Variants in FRMD5 observed in about 807,000 individuals in gnomAD.
FRMD5 encodes the protein FERM domain-containing protein 5.
Under a neutral mutation model 69.0 loss-of-function variants are expected in FRMD5, and 20 were observed. That is an observed-to-expected ratio of 0.29 (90% CI 0.20 to 0.42). FRMD5 has a LOEUF of 0.42. Ranked by LOEUF, FRMD5 falls within the 10% of genes least tolerant of loss-of-function variation. The pLI is 1.00. For synonymous variants in FRMD5, 271 were observed against 260.1 expected, an observed-to-expected ratio of 1.04 and a Z score of -0.40; for missense variants, 595 against 708.6, an observed-to-expected ratio of 0.84 and a Z score of 1.82.
chr15:43,942,851 C>T (rs963586564), intron 1 of FRMD5, among the ~76,000 whole-genome samples: 2 of 152,228 alleles, frequency 1.3e-5, no homozygotes, highest in African/African-American at 4.8e-5. Context: ...TCTCCACCTC[C>T]CGGGCTCAAG....
intron 1 of FRMD5, among the ~76,000 whole-genome samples, chr15:44,176,271 T>A (rs1027179019): frequency 3.9e-5 from 6 of 152,130 alleles, no homozygotes; most frequent in Admixed American, 3.9e-4. Context: ...CTAAGACAAT[T>A]TAATGAGGAA....
intron 1 of FRMD5, among the ~76,000 whole-genome samples, chr15:44,173,510 GA>G (rs1347127633): frequency 6.6e-6 from 1 of 150,596 alleles, no homozygotes; most frequent in African/African-American, 2.4e-5. Flanking sequence ...ATATAAGGAA[GA>G]AAAAAATATA....
intron 1 of FRMD5, among the ~76,000 whole-genome samples, chr15:44,154,159 T>C (rs942139689): frequency 2.0e-5 from 3 of 151,926 alleles, no homozygotes; most frequent in Non-Finnish European, 4.4e-5. Context: ...CCCATCTCTA[T>C]AAAAAATACA....
In FRMD5 at chr15:43,871,412, A is replaced by C. The variant is rs954894193; in HGVS notation, c.*2473T>G. 1 of 152,274 alleles carries C rather than the reference A, an allele frequency of 6.6e-6. No homozygotes were observed. Among genetic ancestry groups the C allele is most frequent in the Non-Finnish European group, 1.5e-5 (1 of 68,064 alleles). The allele number at this position is 152,274 out of a possible 1,614,324, so 9.4% of individuals were successfully genotyped here. A position where few individuals can be genotyped will look rare whatever the true frequency, so the allele number is the denominator to read the frequency against. ...AATATGAAAGGTCAGAGTTGAGGCT[A>C]TCACTCACTGCATAGAAACACCAGA... On this transcript the variant is annotated 3_prime_UTR_variant, in exon 14 of 14. Coordinates refer to ENST00000417257, the MANE Select transcript of FRMD5 (RefSeq NM_032892.5).
rs533106331 is a variant in FRMD5 at position 44,178,307 on chromosome 15, A to C, written c.102+16646T>G. Among the ~76,000 whole-genome samples the C allele has an allele frequency of 8.5e-5, 13 of 152,280 alleles. No homozygotes were observed. The East Asian group carries it at 2.5e-3, about 29-fold the overall frequency. On this transcript the variant is annotated intron_variant, in intron 1 of 13. Transcript: ENST00000417257. ...ACCACTGCACTCCAGCCTGGGTTAC[A>C]GGGTGATACTCCATCTCAAAAATAA... is the stretch of plus-strand genomic sequence containing the variant.
intron 4 of FRMD5, among the ~76,000 whole-genome samples, chr15:43,912,458 C>T (rs2089306088): frequency 6.6e-6 from 1 of 152,034 alleles, no homozygotes; most frequent in Non-Finnish European, 1.5e-5. Flanking sequence ...TCCCACCTTC[C>T]ACAGGCTTCA....
chr15:43,976,350 C>T (rs959816367), intron 1 of FRMD5, among the ~76,000 whole-genome samples: 11 of 152,134 alleles, frequency 7.2e-5, no homozygotes, highest in African/African-American at 2.7e-4. Flanking sequence ...AACGACATGA[C>T]ATGCCAAGAA....
At chr15:43,950,084 C>T (rs2090003873) in intron 1 of FRMD5, among the ~76,000 whole-genome samples, 1 of 152,218 alleles carries the variant, frequency 6.6e-6, no homozygotes, top group Non-Finnish European at 1.5e-5. Flanking sequence ...TTGTCCTACA[C>T]TGCATCTGGG....
intron 1 of FRMD5, among the ~76,000 whole-genome samples, chr15:43,984,464 G>C (rs888300226): frequency 6.6e-6 from 1 of 152,148 alleles, no homozygotes; most frequent in East Asian, 1.9e-4. Context: ...AGCAGGACTG[G>C]ATTAAGGCCT....
intron 1 of FRMD5, among the ~76,000 whole-genome samples, chr15:43,929,667 G>A (rs1448255431): frequency 6.6e-6 from 1 of 152,208 alleles, no homozygotes; most frequent in East Asian, 1.9e-4. Flanking sequence ...AGAGGTGGAA[G>A]AAAGCCACAC....
chr15:44,017,812 T>C (rs929525505), intron 1 of FRMD5, among the ~76,000 whole-genome samples: 10 of 151,942 alleles, frequency 6.6e-5, no homozygotes, highest in African/African-American at 9.7e-5. Flanking sequence ...GGTTTCACCA[T>C]GTTAGCCAGG....
intron 1 of FRMD5, among the ~76,000 whole-genome samples, chr15:44,008,448 T>A (rs1270507063): frequency 6.6e-6 from 1 of 151,534 alleles, no homozygotes; most frequent in Admixed American, 6.6e-5. Flanking sequence ...GTATTTTTAG[T>A]AGAGATGTGG....
intron 1 of FRMD5, among the ~76,000 whole-genome samples, chr15:43,979,571 T>C (rs1391188468): frequency 6.6e-6 from 1 of 152,166 alleles, no homozygotes; most frequent in African/African-American, 2.4e-5. Context: ...ATGAGGGTCA[T>C]GGAGGAAGGC....
intron 13 of FRMD5, chr15:43,879,627 T>G (rs184782020): frequency 2.5e-6 from 1 of 399,050 alleles, no homozygotes; most frequent in East Asian, 3.6e-5. Context: ...CAGCCGGAGC[T>G]GGACCCGGAC....
At chr15:44,172,752 G>C (rs184285321) in intron 1 of FRMD5, among the ~76,000 whole-genome samples, 50 of 152,158 alleles carry the variant, frequency 3.3e-4, no homozygotes, top group African/African-American at 1.2e-3. Flanking sequence ...TTATTTTTTA[G>C]TTAATTTAAA....
chr15:44,112,709 C>G (rs866475287), intron 1 of FRMD5, among the ~76,000 whole-genome samples: 3 of 152,054 alleles, frequency 2.0e-5, no homozygotes, highest in Non-Finnish European at 2.9e-5. Flanking sequence ...ACCTCATGAT[C>G]CACCCACCTC....
At chr15:43,923,420 A>C (rs749718903) in intron 2 of FRMD5, among the ~76,000 whole-genome samples, 4 of 152,198 alleles carry the variant, frequency 2.6e-5, no homozygotes, top group Non-Finnish European at 5.9e-5. Flanking sequence ...TCCCAGAGGA[A>C]GTAAAAGTCT....
rs146160760 is a variant in FRMD5, at chr15:43,955,529, G to C, written c.103-31220C>G. Among the ~76,000 whole-genome samples the C allele has an allele frequency of 3.9e-5, 6 of 152,322 alleles. No homozygotes were observed. In the East Asian group the frequency reaches 1.2e-3, roughly 29 times the overall value. On this transcript the variant is annotated intron_variant, in intron 1 of 13. Coordinates refer to ENST00000417257, the MANE Select transcript of FRMD5 (RefSeq NM_032892.5). ...TTCTACAGTGAATAACTGAAAGTGTGATTTGTATGCATGTATGGCATTATG... is the reference window on the plus strand; with the variant it reads ...TTCTACAGTGAATAACTGAAAGTGTCATTTGTATGCATGTATGGCATTATG...
intron 1 of FRMD5, among the ~76,000 whole-genome samples, chr15:44,051,777 C>A (rs1258552186): frequency 1.3e-5 from 2 of 151,946 alleles, no homozygotes; most frequent in East Asian, 3.9e-4. Flanking sequence ...GGGGATTTGT[C>A]TGATGTTTTC....
Sources: allele counts gnomAD v4.1 joint callset (sites outside exome capture counted in the v4.1 genomes callset), GRCh38; gene constraint gnomAD v4.1.1; transcripts MANE v1.5; gene names NCBI Gene and HGNC (gene_info 2026-07-23, HGNC 2026-07-21).